LRP2BP: variants seen among roughly 807,000 people sequenced by gnomAD.
The protein encoded by LRP2BP is LRP2 binding protein.
Under a neutral mutation model 45.2 loss-of-function variants are expected in LRP2BP, and 38 were observed. That is an observed-to-expected ratio of 0.84 (90% CI 0.65 to 1.10). The LOEUF (loss-of-function observed/expected upper bound fraction) is 1.10. Among genes scored for constraint, LRP2BP ranks in the 50% least tolerant of loss-of-function variants. The probability of loss-of-function intolerance (pLI) is 0.00; values close to 1 mark genes in which losing one functional copy is unlikely to be tolerated. For synonymous variants in LRP2BP, 153 were observed against 153.9 expected (o/e 0.99, Z 0.04); for missense variants, 385 against 418.9 (o/e 0.92, Z 0.71).
rs764229930 is a variant in LRP2BP, at chr4:185,370,670, A to G, written c.948T>C (p.Asp316=). The G allele has an allele frequency of 3.3e-5, 54 of 1,613,870 alleles. 1 individual carries two copies. The Admixed American group carries it at 9.0e-4, about 27-fold the overall frequency. Residue 316 remains aspartate (D), a synonymous_variant, in exon 8 of 9, where the codon GAT becomes GAC. Transcript: ENST00000505916. ...CLQLGLGITR[D]ETTAKHYYSK... ...AATAATAGTGTTTAGCGGTTGTTTCATCCCTGGTGATGCCCAAGCCAAGCT... is the reference window on the plus strand; with the variant it reads ...AATAATAGTGTTTAGCGGTTGTTTCGTCCCTGGTGATGCCCAAGCCAAGCT...
Position 185,395,515 on chromosome 4 carries a change from A to G in LRP2BP, c.-758T>C, listed in dbSNP as rs193064722. ...ACAAATCTGACAACAGTATCTCTAC[A>G]CTGCCGTTCTTTAAACATCATTAAA... is the stretch of plus-strand genomic sequence containing the variant. On this transcript the variant is annotated 5_prime_UTR_variant, in exon 1 of 9. Coordinates refer to ENST00000505916, the MANE Select transcript of LRP2BP (RefSeq NM_001377440.1). 2.0e-5 allele frequency: 20 copies of G among 985,136 alleles called. No homozygotes were observed. The highest frequency in any genetic ancestry group is 2.4e-5 in the Non-Finnish European group (20 of 829,736). 61.0% of individuals were successfully genotyped at this position (985,136 alleles called of 1,614,324 possible).
chr4:185,377,857 T>C (rs2095443294), intron 2 of LRP2BP: 2 of 451,934 alleles, frequency 4.4e-6, no homozygotes, highest in Admixed American at 3.9e-5. Flanking sequence ...CCTTAAGTCC[T>C]GAGAGTAAAA....
intron 1 of LRP2BP, among the ~76,000 whole-genome samples, chr4:185,393,889 AG>A (rs1446113853): frequency 6.6e-6 from 1 of 152,158 alleles, no homozygotes; most frequent in Admixed American, 6.5e-5. Flanking sequence ...ATTCAATTCC[AG>A]GAACAAGGCT....
At position 185,387,514 on chromosome 4, in the gene LRP2BP, G is replaced by A. The variant is rs115179755; in HGVS notation, c.-22+7265C>T. Among the ~76,000 whole-genome samples the A allele has an allele frequency of 5.5e-3, 835 of 152,314 alleles. 4 individuals carry two copies. The highest frequency in any genetic ancestry group is 0.017 in the Middle Eastern group (5 of 294). On this transcript the variant is annotated intron_variant, in intron 1 of 8. Transcript: ENST00000505916. ...AAACACTAAATACAGTCTCAGGCGT[G>A]TGCAGCTAAGATGATCTTGCTGCCT...
At chr4:185,374,046 A>C in intron 6 of LRP2BP, 89 bp downstream of exon 6, 1 of 1,071,658 alleles carries the variant, frequency 9.3e-7, no homozygotes, top group East Asian at 2.5e-5. Flanking sequence ...GATATTTAAA[A>C]CGACATTCCC....
At chr4:185,380,460 T>G (rs138177904) in intron 1 of LRP2BP, among the ~76,000 whole-genome samples, 15 of 152,238 alleles carry the variant, frequency 9.9e-5, no homozygotes, top group African/African-American at 3.4e-4. Flanking sequence ...TGGTTTCTGG[T>G]GATGTCTGGT....
At chr4:185,376,352 A>G (rs2095437467) in intron 3 of LRP2BP, among the ~76,000 whole-genome samples, 1 of 151,830 alleles carries the variant, frequency 6.6e-6, no homozygotes, top group African/African-American at 2.4e-5. Context: ...ATCTCAGCTC[A>G]CTGCAACCTC....
chr4:185,368,194 T>G (rs1189514982), intron 8 of LRP2BP, among the ~76,000 whole-genome samples: 1 of 151,980 alleles, frequency 6.6e-6, no homozygotes, highest in East Asian at 1.9e-4. Flanking sequence ...AAGAAAACTT[T>G]CCCTTATTTT....
At position 185,395,047 on chromosome 4, in the gene LRP2BP, G is replaced by C. The variant is rs536056059; in HGVS notation, c.-290C>G. 1.1e-5 allele frequency: 11 copies of C among 985,152 alleles called. No individual in the cohort carries two copies. Among genetic ancestry groups the C allele is most frequent in the South Asian group, 9.4e-5 (2 of 21,284 alleles). The allele number at this position is 985,152 out of a possible 1,614,324, so 61.0% of individuals were successfully genotyped here. A position where few individuals can be genotyped will look rare whatever the true frequency, so the allele number is the denominator to read the frequency against. ...AGCTTTGTTCAGTTTATAGTTTCTA[G>C]GCCCATTACTAAAGTCAAGTCAGAT... On this transcript the variant is annotated 5_prime_UTR_variant, in exon 1 of 9. Coordinates refer to ENST00000505916, the MANE Select transcript of LRP2BP (RefSeq NM_001377440.1).
At position 185,395,592 on chromosome 4, in the gene LRP2BP, T is replaced by C. The variant is rs2095499868; in HGVS notation, c.-835A>G. 2.0e-6 allele frequency: 2 copies of C among 978,960 alleles called. No individual in the cohort carries two copies. The highest frequency in any genetic ancestry group is 2.4e-6 in the Non-Finnish European group (2 of 824,144). The allele number at this position is 978,960 out of a possible 1,614,324, so 60.6% of individuals were successfully genotyped here. On this transcript the variant is annotated 5_prime_UTR_variant, in exon 1 of 9. The change creates a new upstream start codon in the 5' untranslated region. Coordinates refer to ENST00000505916, the MANE Select transcript of LRP2BP (RefSeq NM_001377440.1). ...AAAATGTGGAATATAAGAACGATTC[T>C]ATATATTTGAACACACATTTATATT...
Position 185,385,914 on chromosome 4 carries a change from G to GC in LRP2BP, c.-21-7708_-21-7707insG, listed in dbSNP as rs66982021. Among the ~76,000 whole-genome samples, 102 of 144,692 alleles carry GC rather than the reference G, an allele frequency of 7.0e-4. 4 individuals carry two copies. Among genetic ancestry groups the GC allele is most frequent in the African/African-American group, 2.4e-3 (93 of 38,652 alleles). The allele number at this position is 144,692 out of a possible 152,430, so 94.9% of individuals were successfully genotyped here. A position where few individuals can be genotyped will look rare whatever the true frequency, so the allele number is the denominator to read the frequency against. ...AGACTCTGTCTCGGGGAGGGGGGGGGGGAGATAAAGAAATAACATCATCTT... is the reference window on the plus strand; with the variant it reads ...AGACTCTGTCTCGGGGAGGGGGGGGGCGGAGATAAAGAAATAACATCATCTT... On this transcript the variant is annotated intron_variant, in intron 1 of 8. Coordinates refer to ENST00000505916, the MANE Select transcript of LRP2BP (RefSeq NM_001377440.1).
At position 185,395,571 on chromosome 4, in the gene LRP2BP, T is replaced by C. The variant is rs1340834713; in HGVS notation, c.-814A>G. 1.0e-6 allele frequency: 1 copy of C among 980,888 alleles called. No homozygotes were observed. The highest frequency in any genetic ancestry group is 1.2e-6 in the Non-Finnish European group (1 of 825,922). The allele number at this position is 980,888 out of a possible 1,614,324, so 60.8% of individuals were successfully genotyped here. ...TTGTGAATAGTTTAAATATTAAAAATGTGGAATATAAGAACGATTCTATAT... is the reference window on the plus strand; with the variant it reads ...TTGTGAATAGTTTAAATATTAAAAACGTGGAATATAAGAACGATTCTATAT... On this transcript the variant is annotated 5_prime_UTR_variant, in exon 1 of 9. Transcript: ENST00000505916.
chr4:185,376,219 C>G (rs2095436829), intron 3 of LRP2BP, among the ~76,000 whole-genome samples: 1 of 152,156 alleles, frequency 6.6e-6, no homozygotes, highest in African/African-American at 2.4e-5. Flanking sequence ...AAAGCTTCCC[C>G]TAAGTACTAG....
At chr4:185,387,143 C>A (rs749296559) in intron 1 of LRP2BP, among the ~76,000 whole-genome samples, 2 of 148,314 alleles carry the variant, frequency 1.3e-5, no homozygotes, top group Admixed American at 1.3e-4. Context: ...TACTCGGGAG[C>A]CTGAGGCATG....
rs536264238 is a variant in LRP2BP, at chr4:185,389,343, G to A, written c.-22+5436C>T. ...CCCACCTCAGCCTCCCAAGTAGCTG[G>A]GATTGCAGGCGCACACCACCACACC... is the stretch of plus-strand genomic sequence containing the variant. On this transcript the variant is annotated intron_variant, in intron 1 of 8. Coordinates refer to ENST00000505916, the MANE Select transcript of LRP2BP (RefSeq NM_001377440.1). Among the ~76,000 whole-genome samples, 40 of 151,830 alleles carry A rather than the reference G, an allele frequency of 2.6e-4. 1 individual carries two copies. The South Asian group carries it at 7.9e-3, about 30-fold the overall frequency.
chr4:185,372,151 A>G (rs867869000), intron 7 of LRP2BP, among the ~76,000 whole-genome samples: 1 of 152,366 alleles, frequency 6.6e-6, no homozygotes, highest in Non-Finnish European at 1.5e-5. Context: ...GTGCAGTTAT[A>G]GAACTGCATG....
chr4:185,396,029 C>T (rs926111577), upstream of LRP2BP: 6 of 461,334 alleles, frequency 1.3e-5, no homozygotes, highest in Non-Finnish European at 5.7e-6. Flanking sequence ...ACAGCGGCTT[C>T]ACCAGCCCCG....
chr4:185,385,031 G>T (rs2095466828), intron 1 of LRP2BP, among the ~76,000 whole-genome samples: 1 of 152,116 alleles, frequency 6.6e-6, no homozygotes, highest in African/African-American at 2.4e-5. Context: ...AAAGTGTGGG[G>T]AAAGACAGGA....
At chr4:185,377,973 C>T (rs889106099) in intron 2 of LRP2BP, 108 bp downstream of exon 2, 2 of 914,346 alleles carry the variant, frequency 2.2e-6, no homozygotes, top group African/African-American at 1.7e-5. Flanking sequence ...TGATTAACCA[C>T]TTCCTTGAAA....
Sources: gnomAD v4.1 joint callset for allele counts (sites outside exome capture counted in the v4.1 genomes callset) on GRCh38, gnomAD v4.1.1 for gene constraint, MANE v1.5 for transcripts, NCBI Gene and HGNC (gene_info 2026-07-23, HGNC 2026-07-21) for gene names.